Variants in RAB38 observed in about 807,000 individuals in gnomAD.
The protein encoded by RAB38 is ras-related protein Rab-38.
Under a neutral mutation model 18.4 loss-of-function variants are expected in RAB38, and 15 were observed. The observed-to-expected ratio is 0.82, with a 90% CI of 0.55 to 1.26. RAB38 has a LOEUF of 1.26. RAB38 is among the 50% of genes most tolerant of loss of function. RAB38 has a pLI of 0.00. For synonymous variants in RAB38, 101 were observed against 104.4 expected, an observed-to-expected ratio of 0.97 and a Z score of 0.20; for missense variants, 294 against 267.4, an observed-to-expected ratio of 1.10 and a Z score of -0.69.
the RAB38 span, among the ~76,000 whole-genome samples, chr11:88,030,978 A>C: frequency 4.6e-5 from 7 of 151,456 alleles, no homozygotes; most frequent in African/African-American, 1.5e-4. Context: ...AAAAATCCTC[A>C]ATAAAATACT....
the RAB38 span, among the ~76,000 whole-genome samples, chr11:87,956,298 GTTC>G: frequency 3.9e-5 from 6 of 152,134 alleles, no homozygotes; most frequent in African/African-American, 1.4e-4. Context: ...TGTAGCTATT[GTTC>G]TTATTATAAA....
At chr11:87,897,092 G>C in the RAB38 span, among the ~76,000 whole-genome samples, 38 of 151,556 alleles carry the variant, frequency 2.5e-4, no homozygotes, top group African/African-American at 8.9e-4. Context: ...GGGAAGTTAG[G>C]TACTTTTAAA....
the RAB38 span, among the ~76,000 whole-genome samples, chr11:88,094,537 CTCA>C: frequency 6.6e-6 from 1 of 151,892 alleles, no homozygotes; most frequent in Non-Finnish European, 1.5e-5. Context: ...CCTTCAACTC[CTCA>C]TGTCTCCACT....
the RAB38 span, chr11:88,100,101 C>G: frequency 1.3e-5 from 2 of 151,800 alleles, no homozygotes; most frequent in African/African-American, 4.8e-5. Flanking sequence ...CTTGACTCAT[C>G]TTAGAAAAAG....
At chr11:87,847,943 G>A in the RAB38 span, among the ~76,000 whole-genome samples, 1 of 151,972 alleles carries the variant, frequency 6.6e-6, no homozygotes, top group Non-Finnish European at 1.5e-5. Context: ...CTTAACTACA[G>A]GCCAACAATT....
In RAB38 at chr11:88,164,265, G is replaced by A. The variant is rs938685814; in HGVS notation, c.202+10918C>T. The stretch of plus-strand genomic sequence containing the variant: ...TATGCCAAGGTGCTCTCGGTGGGGG[G>A]GGGTGCCATGGTGAACTCACATGGG... On this transcript the variant is annotated intron_variant, in intron 1 of 2. Coordinates refer to ENST00000243662, the MANE Select transcript of RAB38 (RefSeq NM_022337.3). Among the ~76,000 whole-genome samples the A allele has an allele frequency of 5.4e-5, 7 of 130,466 alleles. 1 individual carries two copies. The highest frequency in any genetic ancestry group is 2.0e-4 in the African/African-American group (7 of 35,642). 85.6% of individuals were successfully genotyped at this position (130,466 alleles called of 152,430 possible).
At chr11:88,067,529 G>T in the RAB38 span, among the ~76,000 whole-genome samples, 1 of 151,982 alleles carries the variant, frequency 6.6e-6, no homozygotes, top group Non-Finnish European at 1.5e-5. Context: ...ACATTGATTG[G>T]GTCTTAAAAT....
chr11:88,064,412 G>A, the RAB38 span, among the ~76,000 whole-genome samples: 2 of 152,166 alleles, frequency 1.3e-5, no homozygotes, highest in Admixed American at 6.5e-5. Context: ...AGCCTGGCCT[G>A]CTGTTACCCA....
At chr11:87,976,416 TATTTATATATTATGC>T in the RAB38 span, among the ~76,000 whole-genome samples, 232 of 137,254 alleles carry the variant, frequency 1.7e-3, 1 homozygote, top group African/African-American at 5.9e-3. Context: ...TATTTATATA[TATTTATATATTATGC>T]ATTTATATTT....
intron 1 of RAB38, among the ~76,000 whole-genome samples, chr11:88,156,279 A>C (rs977121296): frequency 1.3e-5 from 2 of 152,226 alleles, no homozygotes; most frequent in African/African-American, 4.8e-5. Flanking sequence ...GCAGCTAAAG[A>C]AAAATGTCAA....
chr11:87,869,838 T>C, the RAB38 span, among the ~76,000 whole-genome samples: 1 of 151,676 alleles, frequency 6.6e-6, no homozygotes, highest in Non-Finnish European at 1.5e-5. Flanking sequence ...AGTATTATTT[T>C]ATTACCACAT....
chr11:88,082,488 C>T, the RAB38 span, among the ~76,000 whole-genome samples: 4 of 151,746 alleles, frequency 2.6e-5, no homozygotes, highest in Non-Finnish European at 5.9e-5. Context: ...TAATAGGAAC[C>T]TCAAATTTAA....
At chr11:88,055,710 T>C in the RAB38 span, among the ~76,000 whole-genome samples, 1 of 152,084 alleles carries the variant, frequency 6.6e-6, no homozygotes, top group Non-Finnish European at 1.5e-5. Context: ...GCCAAAGGAT[T>C]GTGTGGAATA....
intron 2 of RAB38, among the ~76,000 whole-genome samples, chr11:88,126,451 C>G (rs1367500597): frequency 6.6e-6 from 1 of 151,758 alleles, no homozygotes; most frequent in Non-Finnish European, 1.5e-5. Context: ...ATCACAAGGA[C>G]AAAAAAACCA....
At chr11:88,020,174 T>A in the RAB38 span, among the ~76,000 whole-genome samples, 1 of 152,112 alleles carries the variant, frequency 6.6e-6, no homozygotes, top group East Asian at 1.9e-4. Context: ...AGGAGCTGAA[T>A]AGATAAAATC....
chr11:88,055,938 G>A, the RAB38 span, among the ~76,000 whole-genome samples: 1 of 152,140 alleles, frequency 6.6e-6, no homozygotes, highest in Admixed American at 6.5e-5. Flanking sequence ...TAGTTTAGTT[G>A]AGCTTTGTTT....
At chr11:88,026,318 C>T in the RAB38 span, among the ~76,000 whole-genome samples, 1 of 151,730 alleles carries the variant, frequency 6.6e-6, no homozygotes, top group African/African-American at 2.4e-5. Context: ...AATCCCAGCA[C>T]TTTGAGAGGC....
the RAB38 span, among the ~76,000 whole-genome samples, chr11:87,955,173 C>CCA: frequency 9.5e-6 from 1 of 105,078 alleles, no homozygotes; most frequent in African/African-American, 3.3e-5. Flanking sequence ...ACACACTCTT[C>CCA]CACATTGGTG....
chr11:88,045,201 C>T, the RAB38 span, among the ~76,000 whole-genome samples: 1 of 152,144 alleles, frequency 6.6e-6, no homozygotes, highest in Non-Finnish European at 1.5e-5. Context: ...TATTTTATTA[C>T]CCAATCTGCT....
Sources: gnomAD v4.1 joint callset for allele counts (sites outside exome capture counted in the v4.1 genomes callset) on GRCh38, gnomAD v4.1.1 for gene constraint, MANE v1.5 for transcripts, NCBI Gene and HGNC (gene_info 2026-07-23, HGNC 2026-07-21) for gene names.